The following CAMK2B variants were observed in gnomAD, a reference collection of about 807,000 sequenced individuals.
CAMK2B encodes the protein calcium/calmodulin dependent protein kinase II beta.
A neutral mutation model predicts 93.7 loss-of-function variants in CAMK2B; 27 were observed. The ratio of observed to expected loss-of-function variants is 0.29; its 90% CI spans 0.21 to 0.40. CAMK2B has a LOEUF of 0.40. Among genes scored for constraint, CAMK2B ranks in the 10% least tolerant of loss-of-function variants. The pLI is 1.00. For missense variants in CAMK2B, 568 were observed against 895.8 expected (o/e 0.63, Z 4.67); for synonymous variants, 374 against 358.8 (o/e 1.04, Z -0.48).
rs2128928232 is a variant in CAMK2B, at chr7:44,232,880, A to G, written c.1132-14T>C. On this transcript the variant is annotated splice_polypyrimidine_tract_variant and intron_variant, in intron 15 of 23. Coordinates refer to ENST00000395749, the MANE Select transcript of CAMK2B (RefSeq NM_001220.5). ...GGTTTGAGGCTCCTACAGAAGAAGG[A>G]AGACACAGAGGAAGGAAAGAGAGGG... is the stretch of plus-strand genomic sequence containing the variant. 4 of 1,612,888 alleles carry G rather than the reference A, an allele frequency of 2.5e-6. No individual in the cohort carries two copies. The highest frequency in any genetic ancestry group is 1.7e-5 in the Admixed American group (1 of 59,994).
At chr7:44,284,279 A>G in intron 1 of CAMK2B, 54 bp from the exon 2 acceptor site, 2 of 1,291,454 alleles carry the variant, frequency 1.5e-6, no homozygotes, top group Non-Finnish European at 2.2e-6. Flanking sequence ...ACAAGGAGAA[A>G]GAGAGAGAGC....
intron 5 of CAMK2B, among the ~76,000 whole-genome samples, chr7:44,254,306 C>T (rs1175142865): frequency 6.6e-6 from 1 of 152,242 alleles, no homozygotes; most frequent in Admixed American, 6.5e-5. Context: ...GGGAGGCCCA[C>T]AGACCCAGGG....
chr7:44,275,462 T>G (rs1301574008), intron 2 of CAMK2B, among the ~76,000 whole-genome samples: 1 of 152,264 alleles, frequency 6.6e-6, no homozygotes, highest in Non-Finnish European at 1.5e-5. Context: ...AGCCTTCGAT[T>G]AAACCAATTC....
At chr7:44,285,950 A>G (rs1231370898) in intron 1 of CAMK2B, among the ~76,000 whole-genome samples, 1 of 151,840 alleles carries the variant, frequency 6.6e-6, no homozygotes, top group Non-Finnish European at 1.5e-5. Context: ...TTTTTTCACC[A>G]TGTGCATCAG....
At chr7:44,265,143 C>T (rs2129044742) in intron 2 of CAMK2B, among the ~76,000 whole-genome samples, 1 of 152,322 alleles carries the variant, frequency 6.6e-6, no homozygotes. Context: ...ACAGAGCAAT[C>T]GTGTACAGCA....
intron 2 of CAMK2B, among the ~76,000 whole-genome samples, chr7:44,273,416 A>G (rs1177620223): frequency 6.6e-6 from 1 of 152,156 alleles, no homozygotes; most frequent in African/African-American, 2.4e-5. Context: ...AAATCGGGTG[A>G]GTAGGAGGAG....
intron 1 of CAMK2B, among the ~76,000 whole-genome samples, chr7:44,299,690 T>G (rs1395440550): frequency 6.6e-6 from 1 of 152,192 alleles, no homozygotes; most frequent in Non-Finnish European, 1.5e-5. Context: ...CTTTGTCCAT[T>G]TCTGGACTCT....
At position 44,313,374 on chromosome 7, in the gene CAMK2B, C is replaced by G. The variant is rs1404278551; in HGVS notation, c.65+11983G>C. 4.0e-5 allele frequency among the ~76,000 whole-genome samples: 6 copies of G among 151,674 alleles called. No homozygotes were observed. The East Asian group carries it at 9.9e-4, about 25-fold the overall frequency. On this transcript the variant is annotated intron_variant, in intron 1 of 23. Coordinates refer to ENST00000395749, the MANE Select transcript of CAMK2B (RefSeq NM_001220.5). ...GAAAAAGGGCACAGGCGGAGGGCAC[C>G]CCTGAGGCCCACCTCACACTGCAGT...
Position 44,232,854 on chromosome 7 carries a change from T to C in CAMK2B, c.1144A>G (p.Thr382Ala). 1 of 1,613,162 alleles carries C rather than the reference T, an allele frequency of 6.2e-7. No individual in the cohort carries two copies. Reference protein sequence around the residue: ...LPPAALEPQTTVIHNPVDGIK... With the variant: ...LPPAALEPQTAVIHNPVDGIK... Reference sequence around the variant, plus strand: ...CCGTCCACTGGGTTATGGATGACGGTGGTTTGAGGCTCCTACAGAAGAAGG... The same window carrying C: ...CCGTCCACTGGGTTATGGATGACGGCGGTTTGAGGCTCCTACAGAAGAAGG... Residue 382 changes from threonine (T) to alanine (A), a missense_variant, in exon 16 of 24, where the codon ACC becomes GCC. Physicochemically the swap from Thr to Ala is moderately conservative, Grantham distance 58 (BLOSUM62 0). Around this residue, in one of 4 missense-constraint regions of CAMK2B, gnomAD observed 308 missense variants for 292.1 expected, o/e 1.05. Transcript: ENST00000395749.
chr7:44,226,503 A>T lies in CAMK2B; in HGVS notation c.1597+13T>A. On this transcript the variant is annotated intron_variant, in intron 20 of 23. Coordinates refer to ENST00000395749, the MANE Select transcript of CAMK2B (RefSeq NM_001220.5). ...GGGCAGCCGCTGCCACGGCCACTCA[A>T]GGTGCTACTTACATGGGGTGGGCAG... is the stretch of plus-strand genomic sequence containing the variant. 8 of 1,405,076 alleles carry T rather than the reference A, an allele frequency of 5.7e-6. No individual in the cohort carries two copies. Among genetic ancestry groups the T allele is most frequent in the Non-Finnish European group, 6.5e-6 (7 of 1,077,436 alleles). 87.0% of individuals were successfully genotyped at this position (1,405,076 alleles called of 1,614,324 possible).
At chr7:44,222,442 C>CTT (rs112404640) in intron 20 of CAMK2B, among the ~76,000 whole-genome samples, 3 of 145,506 alleles carry the variant, frequency 2.1e-5, no homozygotes, top group Non-Finnish European at 4.6e-5. Flanking sequence ...GGAGGGAATT[C>CTT]TTTTTTTTTT....
intron 5 of CAMK2B, among the ~76,000 whole-genome samples, chr7:44,251,994 G>T (rs1182586211): frequency 6.6e-6 from 1 of 152,206 alleles, no homozygotes; most frequent in East Asian, 1.9e-4. Flanking sequence ...AAGCAGATGG[G>T]ACTCCTGCTG....
At chr7:44,233,335 G>A (rs2096597448) in intron 15 of CAMK2B, among the ~76,000 whole-genome samples, 1 of 152,156 alleles carries the variant, frequency 6.6e-6, no homozygotes, top group South Asian at 2.1e-4. Flanking sequence ...GCTGGCACGT[G>A]GGCTGCCCTG....
chr7:44,277,716 A>G (rs185669382), intron 2 of CAMK2B, among the ~76,000 whole-genome samples: 32 of 150,918 alleles, frequency 2.1e-4, no homozygotes, highest in Admixed American at 1.2e-3. Flanking sequence ...TCCCCCACCA[A>G]CCCTTGCTCT....
intron 15 of CAMK2B, among the ~76,000 whole-genome samples, chr7:44,233,113 G>C (rs1400055912): frequency 2.0e-5 from 3 of 152,268 alleles, no homozygotes; most frequent in Middle Eastern, 3.4e-3. Flanking sequence ...AGGTGCTGCT[G>C]TCCAGGGTGG....
In CAMK2B at chr7:44,286,049, G is replaced by A. The variant is rs1036528072; in HGVS notation, c.66-1824C>T. 3.9e-5 allele frequency among the ~76,000 whole-genome samples: 6 copies of A among 152,076 alleles called. No individual in the cohort carries two copies. The highest frequency in any genetic ancestry group is 1.4e-4 in the African/African-American group (6 of 41,416). On this transcript the variant is annotated intron_variant, in intron 1 of 23. Transcript: ENST00000395749. This position sits in a 1 kb window ranked among gnomAD's most constrained non-coding sequence, Gnocchi z 4.0. ...CATTAACTTGGGAGACTGAGGTGAG[G>A]GCAAAGACCATGGGCTTTTTGCCTG...
chr7:44,254,451 T>C, intron 5 of CAMK2B, 91 bp downstream of exon 5: 1 of 917,796 alleles, frequency 1.1e-6, no homozygotes, highest in East Asian at 2.5e-5. Flanking sequence ...GCACCAGACG[T>C]GGGTTAGAAA....
intron 5 of CAMK2B, among the ~76,000 whole-genome samples, chr7:44,252,245 G>A (rs772799218): frequency 2.6e-5 from 4 of 151,998 alleles, no homozygotes; most frequent in Non-Finnish European, 4.4e-5. Context: ...CACCTGGGGC[G>A]GTGAGGGGTG....
chr7:44,305,646 T>C (rs1791268894), intron 1 of CAMK2B, among the ~76,000 whole-genome samples: 1 of 151,578 alleles, frequency 6.6e-6, no homozygotes, highest in South Asian at 2.1e-4. Flanking sequence ...AAGAGGAAAA[T>C]GAATCACAGG....
Sources: gnomAD v4.1 joint callset for allele counts (sites outside exome capture counted in the v4.1 genomes callset) on GRCh38, gnomAD v4.1.1 for gene constraint, gnomAD v4.1.1 regional missense constraint, Gnocchi (gnomAD v3.1) non-coding constraint, MANE v1.5 for transcripts, NCBI Gene and HGNC (gene_info 2026-07-23, HGNC 2026-07-21) for gene names.